IL1RAPL1: variants seen among roughly 807,000 people sequenced by gnomAD.
IL1RAPL1 encodes interleukin 1 receptor accessory protein like 1.
IL1RAPL1 carries 3 observed loss-of-function variants against 48.4 expected under a neutral mutation model. The ratio of observed to expected loss-of-function variants is 0.06; its 90% CI spans 0.03 to 0.16. The LOEUF (loss-of-function observed/expected upper bound fraction) is 0.16. Ranked by LOEUF, IL1RAPL1 falls within the 10% of genes least tolerant of loss-of-function variation. The pLI is 1.00. For missense variants in IL1RAPL1, 349 were observed against 530.6 expected, an observed-to-expected ratio of 0.66 and a Z score of 3.36; for synonymous variants, 185 against 187.7, an observed-to-expected ratio of 0.99 and a Z score of 0.12.
intron 1 of IL1RAPL1, among the ~76,000 whole-genome samples, chrX:28,727,474 C>A (rs1437892140): frequency 9.4e-6 from 1 of 106,413 alleles, no homozygotes; most frequent in African/African-American, 3.4e-5. Flanking sequence ...ATCATGTCGT[C>A]TGCAAAGAGG....
At chrX:29,666,812 A>G (rs1926013508) in intron 5 of IL1RAPL1, among the ~76,000 whole-genome samples, 1 of 111,225 alleles carries the variant, frequency 9.0e-6, no homozygotes, top group African/African-American at 3.3e-5. Context: ...CTACATAGTC[A>G]CAAGATTATA....
At chrX:29,802,763 A>ATATATATATATG (rs1929948745) in intron 6 of IL1RAPL1, among the ~76,000 whole-genome samples, 3 of 23,891 alleles carry the variant, frequency 1.3e-4, no homozygotes, top group South Asian at 2.1e-3. Flanking sequence ...ATATATATAT[A>ATATATATATATG]TATATATATA....
chrX:29,562,098 T>TA (rs1444608624), intron 5 of IL1RAPL1, among the ~76,000 whole-genome samples: 4 of 72,388 alleles, frequency 5.5e-5, no homozygotes, highest in African/African-American at 2.4e-4. Context: ...TCTGTCTATC[T>TA]ATCTATCTAT....
chrX:29,221,610 TACACACACATACACACACACACAC>T (rs1426180462), intron 2 of IL1RAPL1, among the ~76,000 whole-genome samples: 3 of 61,808 alleles, frequency 4.9e-5, no homozygotes, highest in Non-Finnish European at 6.2e-5. Flanking sequence ...GAGCAATGTA[TACACACACATACACACACACACAC>T]ACACACACAC....
intron 2 of IL1RAPL1, among the ~76,000 whole-genome samples, chrX:29,134,371 A>G (rs1929083059): frequency 1.8e-5 from 2 of 112,265 alleles, no homozygotes; most frequent in Non-Finnish European, 3.8e-5. Context: ...TGGAGTTGTC[A>G]GTGTTCAGGA....
chrX:29,086,432 A>G lies in IL1RAPL1; in HGVS notation c.83-196506A>G, dbSNP rs113551457. ...TGTCAATCTCAAGGTAGAATTCCTCATATTTCTGATAATGCCAAATACCAT... is the reference window on the plus strand; with the variant it reads ...TGTCAATCTCAAGGTAGAATTCCTCGTATTTCTGATAATGCCAAATACCAT... On this transcript the variant is annotated intron_variant, in intron 2 of 10. Coordinates refer to ENST00000378993, the MANE Select transcript of IL1RAPL1 (RefSeq NM_014271.4). Among the ~76,000 whole-genome samples the G allele has an allele frequency of 3.1e-3, 349 of 112,464 alleles. 1 individual carries two copies. The highest frequency in any genetic ancestry group is 0.014 in the Middle Eastern group (3 of 215).
intron 3 of IL1RAPL1, among the ~76,000 whole-genome samples, chrX:29,333,380 G>C (rs1932912773): frequency 9.4e-6 from 1 of 106,565 alleles, no homozygotes; most frequent in African/African-American, 3.4e-5. Context: ...TCACCTCCTG[G>C]ATAGGGCGGC....
intron 1 of IL1RAPL1, among the ~76,000 whole-genome samples, chrX:28,635,504 C>A (rs1405960890): frequency 8.9e-6 from 1 of 111,803 alleles, no homozygotes; most frequent in African/African-American, 3.3e-5. Flanking sequence ...CAATAAGTTG[C>A]ATGAGATAGT....
At chrX:28,717,274 A>G (rs761877994) in intron 1 of IL1RAPL1, among the ~76,000 whole-genome samples, 2 of 112,465 alleles carry the variant, frequency 1.8e-5, no homozygotes, top group African/African-American at 3.2e-5. Flanking sequence ...TAGACTGGAT[A>G]AAGAAAATGT....
chrX:29,252,252 A>T (rs1213490241), intron 2 of IL1RAPL1, among the ~76,000 whole-genome samples: 5 of 110,974 alleles, frequency 4.5e-5, no homozygotes, highest in Admixed American at 9.4e-5. Context: ...GTACCCTAAA[A>T]CTTAAAGTAC....
chrX:28,997,569 G>C (rs1399132375), intron 2 of IL1RAPL1, among the ~76,000 whole-genome samples: 2 of 111,272 alleles, frequency 1.8e-5, no homozygotes, highest in Non-Finnish European at 3.8e-5. Flanking sequence ...CTTAATTTAT[G>C]CAGCATACTA....
chrX:29,446,796 A>G (rs1466982639), intron 5 of IL1RAPL1, among the ~76,000 whole-genome samples: 1 of 111,640 alleles, frequency 9.0e-6, no homozygotes, highest in African/African-American at 3.3e-5. Flanking sequence ...GCCCAGTATA[A>G]TTTAGAATGG....
At chrX:28,648,440 T>C (rs1181385201) in intron 1 of IL1RAPL1, among the ~76,000 whole-genome samples, 3 of 111,932 alleles carry the variant, frequency 2.7e-5, no homozygotes, top group Non-Finnish European at 5.6e-5. Flanking sequence ...TGTCATAGGG[T>C]TGTCATGAGC....
At chrX:29,567,624 A>C (rs930239143) in intron 5 of IL1RAPL1, among the ~76,000 whole-genome samples, 2 of 111,926 alleles carry the variant, frequency 1.8e-5, no homozygotes, top group Non-Finnish European at 3.8e-5. Flanking sequence ...GAAAAGTCAA[A>C]ATAAGTCGAA....
intron 2 of IL1RAPL1, among the ~76,000 whole-genome samples, chrX:28,934,358 C>T (rs769213243): frequency 1.4e-4 from 16 of 111,208 alleles, no homozygotes; most frequent in Non-Finnish European, 2.3e-4. Context: ...AAAACCTTTT[C>T]GCTAACTGCC....
intron 3 of IL1RAPL1, among the ~76,000 whole-genome samples, chrX:29,301,913 T>A (rs766499757): frequency 1.1e-3 from 121 of 110,988 alleles, no homozygotes; most frequent in African/African-American, 3.6e-3. Flanking sequence ...GCATGTTATT[T>A]TACACAGTAG....
intron 6 of IL1RAPL1, among the ~76,000 whole-genome samples, chrX:29,671,397 G>GA (rs1217290959): frequency 3.6e-5 from 4 of 111,631 alleles, no homozygotes; most frequent in African/African-American, 1.3e-4. Flanking sequence ...AAGTACTTAG[G>GA]AAAAAATCAT....
At chrX:29,429,597 GAAAATGAAAAGCA>G (rs1934390917) in intron 5 of IL1RAPL1, among the ~76,000 whole-genome samples, 1 of 111,110 alleles carries the variant, frequency 9.0e-6, no homozygotes, top group South Asian at 3.8e-4. Flanking sequence ...TAGCACTTCA[GAAAATGAAAAGCA>G]AAGGGAGCCA....
chrX:29,335,123 G>A (rs780475393), intron 3 of IL1RAPL1, among the ~76,000 whole-genome samples: 3 of 111,096 alleles, frequency 2.7e-5, no homozygotes, highest in Non-Finnish European at 3.8e-5. Context: ...AAAAAAAAAC[G>A]AAAACCAGTC....
Sources: allele counts gnomAD v4.1 joint callset (sites outside exome capture counted in the v4.1 genomes callset), GRCh38; gene constraint gnomAD v4.1.1; transcripts MANE v1.5; gene names NCBI Gene and HGNC (gene_info 2026-07-23, HGNC 2026-07-21).